The following DNAJC15 variants were observed in gnomAD, a reference collection of about 807,000 sequenced individuals.
DNAJC15 encodes DnaJ heat shock protein family (Hsp40) member C15.
Under a neutral mutation model 22.4 loss-of-function variants are expected in DNAJC15, and 27 were observed. That is an observed-to-expected ratio of 1.20 (90% CI 0.89 to 1.66). DNAJC15 has a LOEUF of 1.66. Ranked by LOEUF, DNAJC15 falls within the 40% of genes most tolerant of loss-of-function variation. DNAJC15 has a pLI of 0.00. For synonymous variants in DNAJC15, 79 were observed against 63.2 expected, an observed-to-expected ratio of 1.25 and a Z score of -1.19; for missense variants, 208 against 187.1, an observed-to-expected ratio of 1.11 and a Z score of -0.65.
chr13:43,041,861 G>T (rs965682478), intron 1 of DNAJC15, among the ~76,000 whole-genome samples: 4 of 152,248 alleles, frequency 2.6e-5, no homozygotes, highest in Admixed American at 6.5e-5. Context: ...GGTGAATGAA[G>T]CCTACCTCTT....
At chr13:43,083,416 C>T (rs959554793) in intron 4 of DNAJC15, among the ~76,000 whole-genome samples, 1 of 152,164 alleles carries the variant, frequency 6.6e-6, no homozygotes, top group African/African-American at 2.4e-5. Flanking sequence ...ATCTGCCCGC[C>T]TCAGCCTCCC....
chr13:43,039,727 TA>T (rs1272829199), intron 1 of DNAJC15, among the ~76,000 whole-genome samples: 1 of 152,178 alleles, frequency 6.6e-6, no homozygotes, highest in Non-Finnish European at 1.5e-5. Flanking sequence ...TTGAAAGAGA[TA>T]AATTTGGCTG....
At chr13:43,038,717 G>A (rs908668990) in intron 1 of DNAJC15, among the ~76,000 whole-genome samples, 4 of 151,520 alleles carry the variant, frequency 2.6e-5, no homozygotes, top group African/African-American at 7.3e-5. Context: ...GCATGAACCC[G>A]GGAGGCAGAG....
intron 5 of DNAJC15, among the ~76,000 whole-genome samples, chr13:43,096,343 C>A (rs1467496991): frequency 2.0e-5 from 3 of 152,108 alleles, no homozygotes; most frequent in African/African-American, 4.8e-5. Context: ...TTACTGCAAT[C>A]CTCTATTTAT....
chr13:43,079,760 T>C (rs1343203195), intron 4 of DNAJC15, among the ~76,000 whole-genome samples: 1 of 152,174 alleles, frequency 6.6e-6, no homozygotes, highest in Non-Finnish European at 1.5e-5. Flanking sequence ...CCTTTAATAT[T>C]ATGCAGGGCA....
intron 5 of DNAJC15, among the ~76,000 whole-genome samples, chr13:43,090,738 T>C (rs1477625380): frequency 6.6e-6 from 1 of 150,714 alleles, no homozygotes; most frequent in Non-Finnish European, 1.5e-5. Flanking sequence ...GATAGAGTCT[T>C]GCTCCGTTGC....
chr13:43,103,127 A>G (rs60848052), intron 5 of DNAJC15, among the ~76,000 whole-genome samples: 8,881 of 152,202 alleles, frequency 0.058, 760 homozygotes, highest in African/African-American at 0.18. Flanking sequence ...GCTAATTTCT[A>G]TTGTGATATC....
In DNAJC15 at chr13:43,104,196, A is replaced by G. The variant is rs145479521; in HGVS notation, c.383-2982A>G. On this transcript the variant is annotated intron_variant, in intron 5 of 5. Coordinates refer to ENST00000379221, the MANE Select transcript of DNAJC15 (RefSeq NM_013238.3). ...CAAAGGTTCCTTTTTGCCCCTTCCC[A>G]TTGCCAATCCCTCCCCACAGCCTGG... 2.2e-4 allele frequency among the ~76,000 whole-genome samples: 33 copies of G among 152,182 alleles called. No homozygotes were observed. In the East Asian group the frequency reaches 5.8e-3, roughly 27 times the overall value.
chr13:43,072,581 A>AT (rs140917513), intron 3 of DNAJC15, among the ~76,000 whole-genome samples: 2,469 of 136,610 alleles, frequency 0.018, 47 homozygotes, highest in African/African-American at 0.044. Flanking sequence ...TCACATCAGC[A>AT]TTTTTTTTTT....
chr13:43,043,483 T>C (rs2040463164), intron 1 of DNAJC15, among the ~76,000 whole-genome samples: 1 of 152,228 alleles, frequency 6.6e-6, no homozygotes, highest in Admixed American at 6.5e-5. Context: ...AAAACAGTAC[T>C]TAAAAGATCA....
chr13:43,070,748 T>C (rs1242673049), intron 3 of DNAJC15, among the ~76,000 whole-genome samples: 1 of 152,132 alleles, frequency 6.6e-6, no homozygotes, highest in Non-Finnish European at 1.5e-5. Context: ...CCCAGATCCC[T>C]TAGGGCCTAA....
chr13:43,064,886 C>A (rs1045281025), intron 1 of DNAJC15, among the ~76,000 whole-genome samples: 2 of 150,946 alleles, frequency 1.3e-5, no homozygotes, highest in African/African-American at 4.9e-5. Flanking sequence ...TACGTGCCAA[C>A]GCTTAGTTAG....
At chr13:43,076,319 G>A (rs529126188) in intron 3 of DNAJC15, among the ~76,000 whole-genome samples, 6 of 152,200 alleles carry the variant, frequency 3.9e-5, no homozygotes, top group Non-Finnish European at 7.4e-5. Context: ...TAATTGCCAG[G>A]AATTATTTAT....
intron 5 of DNAJC15, among the ~76,000 whole-genome samples, chr13:43,091,690 GTTCTTT>G (rs34140935): frequency 0.23 from 34,385 of 151,780 alleles, 4,428 homozygotes; most frequent in Non-Finnish European, 0.3. Context: ...TTTATTTGCT[GTTCTTT>G]TTCTAATTTT....
intron 3 of DNAJC15, among the ~76,000 whole-genome samples, chr13:43,077,659 C>T (rs769653087): frequency 2.0e-5 from 3 of 152,236 alleles, no homozygotes; most frequent in Non-Finnish European, 4.4e-5. Context: ...CCTAAAGTGT[C>T]TGACAGCTGG....
At chr13:43,043,393 GCT>G (rs1258567913) in intron 1 of DNAJC15, among the ~76,000 whole-genome samples, 1 of 152,182 alleles carries the variant, frequency 6.6e-6, no homozygotes, top group Non-Finnish European at 1.5e-5. Flanking sequence ...ACAGGCATGA[GCT>G]GCCATGCCTG....
chr13:43,029,601 T>A (rs78396993), intron 1 of DNAJC15, among the ~76,000 whole-genome samples: 2,022 of 152,200 alleles, frequency 0.013, 44 homozygotes, highest in African/African-American at 0.043. Flanking sequence ...CAGAAATTTT[T>A]TGATTCATGG....
chr13:43,084,209 C>A (rs1017948350), intron 4 of DNAJC15, among the ~76,000 whole-genome samples: 1 of 152,090 alleles, frequency 6.6e-6, no homozygotes, highest in Non-Finnish European at 1.5e-5. Flanking sequence ...TGTGAGCCAT[C>A]CAAGAAATGT....
chr13:43,085,058 T>C (rs2040680902), intron 4 of DNAJC15, among the ~76,000 whole-genome samples: 1 of 152,152 alleles, frequency 6.6e-6, no homozygotes, highest in Non-Finnish European at 1.5e-5. Flanking sequence ...TAAGTGGCAA[T>C]ACTGGCATTA....
Sources: allele counts gnomAD v4.1 joint callset (sites outside exome capture counted in the v4.1 genomes callset), GRCh38; gene constraint gnomAD v4.1.1; transcripts MANE v1.5; gene names NCBI Gene and HGNC (gene_info 2026-07-23, HGNC 2026-07-21).